Variants in KCNJ15 observed in about 807,000 individuals in gnomAD.
KCNJ15 encodes the protein ATP-sensitive inward rectifier potassium channel 15.
KCNJ15 carries 14 observed loss-of-function variants against 23.0 expected under a neutral mutation model. The ratio of observed to expected loss-of-function variants is 0.61; its 90% confidence interval spans 0.40 to 0.95. KCNJ15 has a LOEUF of 0.95. Among genes scored for constraint, KCNJ15 ranks in the 40% least tolerant of loss-of-function variants. KCNJ15 has a pLI of 0.00. For synonymous variants in KCNJ15, 185 were observed against 183.2 expected (o/e 1.01, Z -0.08); for missense variants, 388 against 461.8 (o/e 0.84, Z 1.46).
intron 1 of KCNJ15, among the ~76,000 whole-genome samples, chr21:38,284,110 C>A (rs1389465365): frequency 6.6e-6 from 1 of 152,198 alleles, no homozygotes; most frequent in Non-Finnish European, 1.5e-5. Flanking sequence ...GCTTACTTCT[C>A]TTTAGGTGTC....
At chr21:38,254,331 A>G (rs750683942), upstream of KCNJ15, among the ~76,000 whole-genome samples, 1 of 152,224 alleles carries the variant, frequency 6.6e-6, no homozygotes, top group Admixed American at 6.5e-5. Flanking sequence ...TGCAGCCTCA[A>G]AATCTAATTG....
intron 1 of KCNJ15, among the ~76,000 whole-genome samples, chr21:38,270,100 G>A (rs565914544): frequency 4.6e-5 from 7 of 152,090 alleles, no homozygotes; most frequent in East Asian, 1.9e-4. Context: ...ATGTAGCTTC[G>A]AAGCCCTTCA....
intron 1 of KCNJ15, among the ~76,000 whole-genome samples, chr21:38,233,831 C>G (rs1292423901): frequency 2.6e-5 from 4 of 151,892 alleles, no homozygotes; most frequent in Non-Finnish European, 5.9e-5. Context: ...CTCTCTTCCT[C>G]TTTTTTAATA....
At chr21:38,255,007 C>T (rs140274223), upstream of KCNJ15, among the ~76,000 whole-genome samples, 7 of 152,262 alleles carry the variant, frequency 4.6e-5, no homozygotes, top group East Asian at 1.4e-3. Context: ...CTATGATGTG[C>T]CAGATATTGC....
At chr21:38,251,927 C>T (rs1298209751), upstream of KCNJ15, among the ~76,000 whole-genome samples, 2 of 152,168 alleles carry the variant, frequency 1.3e-5, no homozygotes, top group Non-Finnish European at 1.5e-5. Flanking sequence ...GATAAAATAG[C>T]TTCCATGTCT....
At chr21:38,235,358 A>T (rs1448088920) in intron 1 of KCNJ15, among the ~76,000 whole-genome samples, 1 of 152,094 alleles carries the variant, frequency 6.6e-6, no homozygotes, top group Non-Finnish European at 1.5e-5. Flanking sequence ...GTTTCAGACC[A>T]GCCTGGCCAA....
rs553956541 is a variant in KCNJ15 at position 38,273,019 on chromosome 21, A to AT, written c.-117+15835dup. On this transcript the variant is annotated intron_variant, in intron 1 of 2. Coordinates refer to ENST00000398938, the MANE Select transcript of KCNJ15 (RefSeq NM_170736.3). ...AATAAACTATTCATTTAGGTTAGATATACAAATAAGTAACTTTCAGAGTTA... is the reference window on the plus strand; with the variant it reads ...AATAAACTATTCATTTAGGTTAGATATTACAAATAAGTAACTTTCAGAGTTA... Among the ~76,000 whole-genome samples, 263 of 152,384 alleles carry AT rather than the reference A, an allele frequency of 1.7e-3. 1 individual carries two copies. Among genetic ancestry groups the AT allele is most frequent in the Non-Finnish European group, 3.0e-3 (206 of 68,038 alleles).
chr21:38,299,340 C>A lies in KCNJ15; in HGVS notation c.79C>A (p.Pro27Thr). ...TAGAGLKANRPRVMSKSGHSN... is the reference protein window; with the variant it reads ...TAGAGLKANRTRVMSKSGHSN... ...TGGGGCTGGGCTCAAGGCCAACAGA[C>A]CCCGCGTCATGTCCAAGAGTGGGCA... The change falls in exon 3 of 3, where the codon CCC (proline) becomes ACC (threonine). Residue 27 changes from proline to threonine, a missense_variant. Coordinates refer to ENST00000398938, the MANE Select transcript of KCNJ15 (RefSeq NM_170736.3). The surrounding 1 kb of genome is among the most constrained non-coding windows in gnomAD (Gnocchi z 4.5). 1 of 1,614,184 alleles carries A rather than the reference C, an allele frequency of 6.2e-7. No individual in the cohort carries two copies. Among genetic ancestry groups the A allele is most frequent in the Non-Finnish European group, 8.5e-7 (1 of 1,180,006 alleles).
intron 1 of KCNJ15, among the ~76,000 whole-genome samples, chr21:38,279,444 C>T (rs1300895554): frequency 6.6e-6 from 1 of 152,020 alleles, no homozygotes; most frequent in African/African-American, 2.4e-5. Flanking sequence ...TCAAGATTGG[C>T]AGAAGAGGAA....
upstream of KCNJ15, among the ~76,000 whole-genome samples, chr21:38,252,913 C>A (rs1209057585): frequency 6.6e-6 from 1 of 152,206 alleles, no homozygotes; most frequent in Non-Finnish European, 1.5e-5. Flanking sequence ...CTGCCCCTAC[C>A]ACCATCTTCA....
intron 1 of KCNJ15, among the ~76,000 whole-genome samples, chr21:38,230,684 A>T (rs1988708617): frequency 6.6e-6 from 1 of 152,026 alleles, no homozygotes; most frequent in African/African-American, 2.4e-5. Context: ...TTTATGACCT[A>T]CCTCAAGTTA....
chr21:38,267,349 AT>A (rs1175400512), intron 1 of KCNJ15: 1 of 152,212 alleles, frequency 6.6e-6, no homozygotes. Flanking sequence ...GTTAGTGAGC[AT>A]TGATTAACAC....
intron 1 of KCNJ15, among the ~76,000 whole-genome samples, chr21:38,263,425 C>T (rs1251324849): frequency 6.6e-6 from 1 of 152,196 alleles, no homozygotes; most frequent in Non-Finnish European, 1.5e-5. Flanking sequence ...AGAAGGTCTG[C>T]ACTCAAATAG....
intron 1 of KCNJ15, among the ~76,000 whole-genome samples, chr21:38,260,303 C>T (rs1350889992): frequency 6.6e-6 from 1 of 152,204 alleles, no homozygotes; most frequent in African/African-American, 2.4e-5. Flanking sequence ...GGGATCTCCA[C>T]TCATCGTAAT....
chr21:38,245,706 AAAG>A (rs1979326299), intron 1 of KCNJ15, among the ~76,000 whole-genome samples: 1 of 151,488 alleles, frequency 6.6e-6, no homozygotes, highest in African/African-American at 2.4e-5. Flanking sequence ...GAAGGAAAGG[AAAG>A]AAAGAAAGAG....
upstream of KCNJ15, among the ~76,000 whole-genome samples, chr21:38,256,052 C>T (rs1304031869): frequency 2.6e-5 from 4 of 152,180 alleles, no homozygotes; most frequent in Middle Eastern, 3.4e-3. Flanking sequence ...GGATTGACCA[C>T]GATCCCCATG....
chr21:38,242,471 G>T (rs566735205), intron 1 of KCNJ15, among the ~76,000 whole-genome samples: 1 of 152,200 alleles, frequency 6.6e-6, no homozygotes, highest in South Asian at 2.1e-4. Context: ...AACCAAACCA[G>T]CACTCAGAGG....
chr21:38,253,375 G>A (rs890730915), upstream of KCNJ15, among the ~76,000 whole-genome samples: 4 of 152,096 alleles, frequency 2.6e-5, no homozygotes, highest in African/African-American at 9.7e-5. Context: ...TCTGGAAATG[G>A]GTACACATTA....
intron 1 of KCNJ15, among the ~76,000 whole-genome samples, chr21:38,268,489 A>T (rs1365188825): frequency 1.3e-5 from 2 of 151,166 alleles, no homozygotes; most frequent in Non-Finnish European, 2.9e-5. Flanking sequence ...GAGTAACAAC[A>T]CACAGTTTGG....
Sources: allele counts gnomAD v4.1 joint callset (sites outside exome capture counted in the v4.1 genomes callset), GRCh38; gene constraint gnomAD v4.1.1; non-coding constraint Gnocchi (gnomAD v3.1); transcripts MANE v1.5; gene names NCBI Gene and HGNC (gene_info 2026-07-23, HGNC 2026-07-21).